Variants in BCR observed in about 807,000 individuals in gnomAD.
The protein encoded by BCR is breakpoint cluster region protein.
Under a neutral mutation model 138.6 loss-of-function variants are expected in BCR, and 58 were observed. The ratio of observed to expected loss-of-function variants is 0.42; its 90% CI spans 0.34 to 0.52. The LOEUF is 0.52. Ranked by LOEUF, BCR falls within the 20% of genes least tolerant of loss-of-function variation. The pLI is 0.06. For missense variants in BCR, 1,599 were observed against 1,727.2 expected, an observed-to-expected ratio of 0.93 and a Z score of 1.32; for synonymous variants, 786 against 730.1, an observed-to-expected ratio of 1.08 and a Z score of -1.23.
chr22:23,293,375 G>A (rs1403364666), intron 15 of BCR, among the ~76,000 whole-genome samples: 1 of 152,190 alleles, frequency 6.6e-6, no homozygotes, highest in Non-Finnish European at 1.5e-5. Flanking sequence ...CACGGGTCAC[G>A]AGGCTGGTGG....
intron 19 of BCR, among the ~76,000 whole-genome samples, chr22:23,312,235 C>T (rs1384158455): frequency 6.6e-6 from 1 of 152,236 alleles, no homozygotes; most frequent in Non-Finnish European, 1.5e-5. Flanking sequence ...TCTCACCAAC[C>T]CTCACAGGCT....
intron 16 of BCR, among the ~76,000 whole-genome samples, chr22:23,305,319 G>C (rs2073945643): frequency 6.6e-6 from 1 of 152,202 alleles, no homozygotes; most frequent in African/African-American, 2.4e-5. Flanking sequence ...GGACCATCCA[G>C]GCTGGTGACG....
intron 1 of BCR, among the ~76,000 whole-genome samples, chr22:23,229,714 C>T (rs565133410): frequency 3.9e-5 from 6 of 152,336 alleles, no homozygotes; most frequent in Admixed American, 1.3e-4. Flanking sequence ...GATCCCTTCT[C>T]CAGCTCCCTC....
chr22:23,311,503 G>C (rs553785356), intron 18 of BCR, among the ~76,000 whole-genome samples, 194 bp from the exon 19 acceptor site: 371 of 152,100 alleles, frequency 2.4e-3, no homozygotes, highest in African/African-American at 8.5e-3. Context: ...AGGTTCCTGA[G>C]AAAGTACATG....
chr22:23,214,311 A>G (rs1208997247), intron 1 of BCR, among the ~76,000 whole-genome samples: 2 of 152,012 alleles, frequency 1.3e-5, no homozygotes, highest in Non-Finnish European at 2.9e-5. Context: ...ATTGTTTTCA[A>G]ATGGTTTTAT....
At position 23,314,808 on chromosome 22, in the gene BCR, C is replaced by G; in HGVS notation, c.3726+94C>G. The G allele has an allele frequency of 2.7e-6, 4 of 1,471,860 alleles. No homozygotes were observed. In the South Asian group the frequency reaches 3.5e-5, roughly 13 times the overall value. The allele number at this position is 1,471,860 out of a possible 1,614,324, so 91.2% of individuals were successfully genotyped here. A position where few individuals can be genotyped will look rare whatever the true frequency, so the allele number is the denominator to read the frequency against. On this transcript the variant is annotated intron_variant, in intron 22 of 22. Coordinates refer to ENST00000305877, the MANE Select transcript of BCR (RefSeq NM_004327.4). ...CCAGTCCTGCCCATCTTCTTACTTG[C>G]ATTGTATGTGGTGTGGCCAACATTC...
In BCR at chr22:23,253,813, A is replaced by G. The variant is rs1484737528; in HGVS notation, c.1294A>G (p.Thr432Ala). The change falls in exon 2 of 23, where the codon ACA becomes GCA. Residue 432 changes from threonine (T) to alanine (A), a missense_variant. Physicochemically the swap from Thr to Ala is moderately conservative, Grantham distance 58. Transcript: ENST00000305877. The part of the protein sequence containing the change: ...FHGDADGSFG[T>A]PPGYGCAADR... ...TGCACACACAGATGGCTCGTTCGGA[A>G]CACCACCTGGATACGGCTGCGCTGC... The G allele has an allele frequency of 6.8e-6, 11 of 1,611,976 alleles. No individual in the cohort carries two copies. Among genetic ancestry groups the G allele is most frequent in the Non-Finnish European group, 9.3e-6 (11 of 1,179,200 alleles).
chr22:23,263,108 G>A (rs912795422), intron 4 of BCR: 1 of 706,904 alleles, frequency 1.4e-6, no homozygotes, highest in Admixed American at 3.0e-5. Flanking sequence ...GTCAGGTTTG[G>A]GCCTACATCC....
intron 1 of BCR, among the ~76,000 whole-genome samples, chr22:23,199,945 G>A (rs914458008): frequency 8.0e-4 from 122 of 152,194 alleles, no homozygotes; most frequent in Non-Finnish European, 5.3e-4. Context: ...AAAATTAGCC[G>A]GGCGTGGTGG....
intron 5 of BCR, among the ~76,000 whole-genome samples, chr22:23,268,766 C>T (rs1276400312): frequency 1.3e-5 from 2 of 152,118 alleles, no homozygotes; most frequent in Non-Finnish European, 2.9e-5. Context: ...GTTCCGGGGA[C>T]ACTCTTTGCA....
At position 23,181,646 on chromosome 22, in the gene BCR, C is replaced by T. The variant is rs766347718; in HGVS notation, c.686C>T (p.Pro229Leu). 8 of 1,609,504 alleles carry T rather than the reference C, an allele frequency of 5.0e-6. No individual in the cohort carries two copies. The highest frequency in any genetic ancestry group is 6.8e-6 in the Non-Finnish European group (8 of 1,179,936). ...TCGAGCGTGGGGGATGCATCCAGGCCCCCTTACCGGGGACGCTCCTCGGAG... is the reference window on the plus strand; with the variant it reads ...TCGAGCGTGGGGGATGCATCCAGGCTCCCTTACCGGGGACGCTCCTCGGAG... ...AGSSVGDASRPPYRGRSSESS... is the reference protein window; with the variant it reads ...AGSSVGDASRLPYRGRSSESS... The change falls in exon 1 of 23, where the codon CCC becomes CTC. Residue 229 changes from proline (P) to leucine (L), a missense_variant. This residue lies in a region of BCR where 806 missense variants were observed against 635.0 expected (regional missense o/e 1.27). Coordinates refer to ENST00000305877, the MANE Select transcript of BCR (RefSeq NM_004327.4).
rs540990574 is a variant in BCR, at chr22:23,232,506, G to A, written c.1280-21293G>A. ...GCCTGGCTCTTTGGGAGTGGGGGGT[G>A]CACCAGAGTGGGTTGGAGACAGGAC... On this transcript the variant is annotated intron_variant, in intron 1 of 22. Coordinates refer to ENST00000305877, the MANE Select transcript of BCR (RefSeq NM_004327.4). Among the ~76,000 whole-genome samples, 15 of 152,272 alleles carry A rather than the reference G, an allele frequency of 9.9e-5. No homozygotes were observed. In the South Asian group the frequency reaches 2.3e-3, roughly 23 times the overall value.
At chr22:23,257,706 G>A (rs768889253) in intron 2 of BCR, among the ~76,000 whole-genome samples, 4 of 152,166 alleles carry the variant, frequency 2.6e-5, no homozygotes, top group African/African-American at 7.2e-5. Context: ...GTCATAGGTC[G>A]CCCCACCCTA....
chr22:23,287,848 C>T, intron 11 of BCR, among the ~76,000 whole-genome samples: 1 of 152,190 alleles, frequency 6.6e-6, no homozygotes, highest in South Asian at 2.1e-4. Flanking sequence ...AAGCTGTGCC[C>T]CTCTGCCAGC....
At chr22:23,295,280 T>A in intron 16 of BCR, 125 bp downstream of exon 16, 1 of 1,237,590 alleles carries the variant, frequency 8.1e-7, no homozygotes, top group South Asian at 1.5e-5. Flanking sequence ...GCTGTGGCTC[T>A]GAAACATCCA....
intron 1 of BCR, chr22:23,251,028 G>C (rs2073220773): frequency 6.6e-6 from 1 of 152,220 alleles, no homozygotes; most frequent in South Asian, 2.1e-4. Context: ...CCCCCTCGAT[G>C]TCCCATGGAT....
At chr22:23,264,611 G>A (rs913386187) in intron 4 of BCR, 10 of 324,148 alleles carry the variant, frequency 3.1e-5, no homozygotes, top group Admixed American at 1.4e-4. Context: ...CTGAACCTCG[G>A]CCCTGCGACT....
intron 1 of BCR, chr22:23,216,983 G>A (rs777242792): frequency 1.8e-5 from 8 of 435,990 alleles, no homozygotes; most frequent in Middle Eastern, 4.8e-4. Flanking sequence ...AGATCTAAGC[G>A]GGGGTAGAAA....
At chr22:23,188,472 A>T (rs2072374896) in intron 1 of BCR, among the ~76,000 whole-genome samples, 1 of 152,198 alleles carries the variant, frequency 6.6e-6, no homozygotes, top group African/African-American at 2.4e-5. Context: ...TGCTAACCTC[A>T]CCAGGACAAA....
Sources: gnomAD v4.1 joint callset for allele counts (sites outside exome capture counted in the v4.1 genomes callset) on GRCh38, gnomAD v4.1.1 for gene constraint, gnomAD v4.1.1 regional missense constraint, MANE v1.5 for transcripts, NCBI Gene and HGNC (gene_info 2026-07-23, HGNC 2026-07-21) for gene names.